The following CHD9 variants were observed in gnomAD, a reference collection of about 807,000 sequenced individuals.
CHD9 encodes the protein ATP-dependent chromatin remodeler CHD9.
CHD9 carries 77 observed loss-of-function variants against 316.1 expected under a neutral mutation model. The ratio of observed to expected loss-of-function variants is 0.24; its 90% confidence interval spans 0.20 to 0.29. The LOEUF (loss-of-function observed/expected upper bound fraction) is 0.29. CHD9 is among the 10% of genes least tolerant of loss of function. The pLI is 1.00. For synonymous variants in CHD9, 1,129 were observed against 1,158.3 expected (o/e 0.97, Z 0.51); for missense variants, 2,763 against 3,438.1 (o/e 0.80, Z 4.91).
chr16:53,267,387 A>C lies in CHD9; in HGVS notation c.4414A>C (p.Ser1472Arg). Residue 1472 changes from serine to arginine, a missense_variant, in exon 21 of 39, where the codon AGT becomes CGT. By Grantham distance (110) the Ser-to-Arg change is moderately radical (BLOSUM62 -1). Coordinates refer to ENST00000447540, the MANE Select transcript of CHD9 (RefSeq NM_001308319.2). ...ATTGGCTGAATTATCTGAAGCTGAAAGTGAAGGAGATGAAAAGCCCAAACT... is the reference window on the plus strand; with the variant it reads ...ATTGGCTGAATTATCTGAAGCTGAACGTGAAGGAGATGAAAAGCCCAAACT... ...DELAELSEAE[S>R]EGDEKPKLRR... The C allele has an allele frequency of 6.2e-7, 1 of 1,613,206 alleles. No individual in the cohort carries two copies.
intron 1 of CHD9, among the ~76,000 whole-genome samples, chr16:53,122,544 CT>C (rs35643983): frequency 0.32 from 41,735 of 129,354 alleles, 4,563 homozygotes; most frequent in East Asian, 0.45. Context: ...CTGGGAATCC[CT>C]TTTTTTTTTT....
At chr16:53,114,109 A>G (rs1041601388) in intron 1 of CHD9, among the ~76,000 whole-genome samples, 6 of 152,022 alleles carry the variant, frequency 3.9e-5, no homozygotes, top group Non-Finnish European at 7.4e-5. Context: ...AGAGGTTCCA[A>G]TTGTAAGCAA....
At chr16:53,094,635 CT>C in intron 1 of CHD9, among the ~76,000 whole-genome samples, 1 of 140,302 alleles carries the variant, frequency 7.1e-6, no homozygotes. Flanking sequence ...CTTTTGTTTA[CT>C]TTTTCTTTTT....
At chr16:53,235,083 C>A in intron 10 of CHD9, 102 bp from the exon 11 acceptor site, 1 of 834,886 alleles carries the variant, frequency 1.2e-6, no homozygotes, top group Non-Finnish European at 1.8e-6. Context: ...TAACACTGTA[C>A]ACTGTTATGC....
rs1243885379 is a variant in CHD9, at chr16:53,247,300, G to A, written c.3462G>A (p.Glu1154=). ...CTCCTATTTCTTTGACAGGTGCTGA[G>A]GAGAAAATACTTGGAGAATTTAGAG... The part of the protein sequence containing the change: ...CNHPYLIKGA[E]EKILGEFRDT... The change falls in exon 16 of 39, where the codon GAG becomes GAA. Residue 1154 remains glutamate (E), a synonymous_variant. Transcript: ENST00000447540. 2 of 1,594,556 alleles carry A rather than the reference G, an allele frequency of 1.3e-6. No homozygotes were observed. The highest frequency in any genetic ancestry group is 2.3e-5 in the South Asian group (2 of 87,948).
At chr16:53,167,085 C>T (rs2042317749) in intron 2 of CHD9, among the ~76,000 whole-genome samples, 1 of 152,092 alleles carries the variant, frequency 6.6e-6, no homozygotes, top group Non-Finnish European at 1.5e-5. Context: ...CAGCAGTACC[C>T]ACACTATGGA....
intron 1 of CHD9, among the ~76,000 whole-genome samples, chr16:53,139,590 T>C (rs2039955204): frequency 6.6e-6 from 1 of 152,176 alleles, no homozygotes; most frequent in Admixed American, 6.5e-5. Flanking sequence ...AGAAGCCTAT[T>C]GGTCATGGGA....
chr16:53,216,506 G>C (rs1053426447), intron 3 of CHD9, among the ~76,000 whole-genome samples: 6 of 152,096 alleles, frequency 3.9e-5, no homozygotes, highest in Non-Finnish European at 7.4e-5. Context: ...AATCAATAAG[G>C]TATGTTGGAA....
chr16:53,103,924 C>G (rs545391969), intron 1 of CHD9, among the ~76,000 whole-genome samples: 30 of 152,258 alleles, frequency 2.0e-4, no homozygotes, highest in African/African-American at 6.7e-4. Context: ...GGCTGAGGTA[C>G]CTTCAGGACT....
rs1191895056 is a variant in CHD9, at chr16:53,325,098, C to T, written c.*203C>T. ...AAGTTTCTGAACTCGTATGTACTAT[C>T]AAATACATAAAGGTGTAAAATTACA... On this transcript the variant is annotated 3_prime_UTR_variant, in exon 39 of 39. Transcript: ENST00000447540. 2.2e-6 allele frequency: 1 copy of T among 451,726 alleles called. No homozygotes were observed. Among genetic ancestry groups the T allele is most frequent in the African/African-American group, 2.0e-5 (1 of 50,610 alleles). The allele number at this position is 451,726 out of a possible 1,614,324, so 28.0% of individuals were successfully genotyped here. A position where few individuals can be genotyped will look rare whatever the true frequency, so the allele number is the denominator to read the frequency against.
At chr16:53,060,138 G>T (rs1036463922) in intron 1 of CHD9, among the ~76,000 whole-genome samples, 1 of 152,186 alleles carries the variant, frequency 6.6e-6, no homozygotes, top group Non-Finnish European at 1.5e-5. Context: ...GGGGCCAGGA[G>T]TTCAAGACCA....
intron 1 of CHD9, among the ~76,000 whole-genome samples, chr16:53,138,778 G>A (rs16952022): frequency 0.032 from 4,933 of 152,268 alleles, 100 homozygotes; most frequent in Middle Eastern, 0.071. Flanking sequence ...CATTTATGGG[G>A]ACAAACTACA....
intron 1 of CHD9, among the ~76,000 whole-genome samples, chr16:53,132,111 G>C (rs2039372982): frequency 6.6e-6 from 1 of 151,878 alleles, no homozygotes; most frequent in Non-Finnish European, 1.5e-5. Flanking sequence ...TTTTTGGGGG[G>C]GGTGGTTTGC....
intron 1 of CHD9, among the ~76,000 whole-genome samples, chr16:53,114,440 T>C (rs140815339): frequency 0.015 from 2,329 of 152,212 alleles, 59 homozygotes; most frequent in African/African-American, 0.053. Flanking sequence ...GTATTTTTAG[T>C]AGAGACGAGG....
At chr16:53,281,044 G>T (rs1488930758) in intron 24 of CHD9, among the ~76,000 whole-genome samples, 1 of 151,924 alleles carries the variant, frequency 6.6e-6, no homozygotes, top group Non-Finnish European at 1.5e-5. Context: ...CTAAATACTG[G>T]ATTGACCAAG....
intron 1 of CHD9, among the ~76,000 whole-genome samples, chr16:53,133,988 A>G (rs979329344): frequency 7.2e-5 from 11 of 152,194 alleles, no homozygotes; most frequent in African/African-American, 2.7e-4. Context: ...TTTGGTACAT[A>G]TGAAAAGTTA....
intron 1 of CHD9, among the ~76,000 whole-genome samples, chr16:53,088,166 T>C (rs925284529): frequency 6.6e-6 from 1 of 151,886 alleles, no homozygotes; most frequent in Admixed American, 6.6e-5. Flanking sequence ...AGCCCCTATA[T>C]CCTTTCAGGT....
chr16:53,066,889 A>C (rs1341047248), intron 1 of CHD9, among the ~76,000 whole-genome samples: 1 of 152,202 alleles, frequency 6.6e-6, no homozygotes, highest in African/African-American at 2.4e-5. Flanking sequence ...ACAAAAAAAA[A>C]TTGAGACAAT....
intron 3 of CHD9, among the ~76,000 whole-genome samples, chr16:53,211,615 G>A (rs1049443934): frequency 2.6e-5 from 4 of 152,024 alleles, no homozygotes; most frequent in African/African-American, 9.7e-5. Flanking sequence ...TTTGATAGAA[G>A]AATTTATAAG....
Sources: allele counts gnomAD v4.1 joint callset (sites outside exome capture counted in the v4.1 genomes callset), GRCh38; gene constraint gnomAD v4.1.1; transcripts MANE v1.5; gene names NCBI Gene and HGNC (gene_info 2026-07-23, HGNC 2026-07-21).